Variants in STXBP6 observed in about 807,000 individuals in gnomAD.
The protein encoded by STXBP6 is syntaxin binding protein 6, also known as syntaxin-binding protein 6.
Under a neutral mutation model 26.9 loss-of-function variants are expected in STXBP6, and 21 were observed. That is an observed-to-expected ratio of 0.78 (90% CI 0.55 to 1.12). The LOEUF (loss-of-function observed/expected upper bound fraction) is 1.12. Among genes scored for constraint, STXBP6 ranks in the 50% most tolerant of loss-of-function variants. The pLI is 0.00. For missense variants in STXBP6, 232 were observed against 257.9 expected, an observed-to-expected ratio of 0.90 and a Z score of 0.69; for synonymous variants, 97 against 92.6, an observed-to-expected ratio of 1.05 and a Z score of -0.27.
intron 1 of STXBP6, among the ~76,000 whole-genome samples, chr14:24,989,986 T>C (rs17109444): frequency 0.011 from 1,643 of 152,298 alleles, 22 homozygotes; most frequent in African/African-American, 0.036. Context: ...ACAGAGATCA[T>C]TGAGAATTGT....
intron 1 of STXBP6, among the ~76,000 whole-genome samples, chr14:25,026,376 G>A (rs754872335): frequency 2.6e-4 from 39 of 152,078 alleles, no homozygotes; most frequent in Non-Finnish European, 5.0e-4. Context: ...ATCCCCTAAA[G>A]CCAGGTGTGC....
chr14:24,898,591 C>T (rs573127259), intron 2 of STXBP6, among the ~76,000 whole-genome samples: 11 of 152,166 alleles, frequency 7.2e-5, no homozygotes, highest in South Asian at 2.1e-4. Context: ...GCAGGAGAAT[C>T]GCTTGAATCC....
chr14:24,911,264 G>A (rs960829834), intron 2 of STXBP6, among the ~76,000 whole-genome samples: 4 of 151,978 alleles, frequency 2.6e-5, no homozygotes, highest in Non-Finnish European at 4.4e-5. Context: ...TTGAGCCCGG[G>A]AGGTCAAGGC....
intron 1 of STXBP6, among the ~76,000 whole-genome samples, chr14:24,998,753 T>G (rs1354165345): frequency 6.6e-6 from 1 of 152,198 alleles, no homozygotes; most frequent in Non-Finnish European, 1.5e-5. Flanking sequence ...GAAGTTGCCT[T>G]TTTTGTGTTT....
At chr14:24,933,740 GC>G (rs2072503701) in intron 2 of STXBP6, among the ~76,000 whole-genome samples, 1 of 151,858 alleles carries the variant, frequency 6.6e-6, no homozygotes, top group Admixed American at 6.6e-5. Context: ...TAGAACACAC[GC>G]TCCTATAAAA....
At chr14:24,878,941 C>T (rs1045963331) in intron 2 of STXBP6, 5 of 255,546 alleles carry the variant, frequency 2.0e-5, no homozygotes, top group African/African-American at 1.1e-4. Context: ...CTAAAGTTCT[C>T]ATTATACAGT....
At chr14:24,858,999 T>G (rs2069439210) in intron 2 of STXBP6, among the ~76,000 whole-genome samples, 1 of 152,158 alleles carries the variant, frequency 6.6e-6, no homozygotes, top group Non-Finnish European at 1.5e-5. Context: ...GAGCTCCTAT[T>G]TTCACTTCTG....
intron 2 of STXBP6, among the ~76,000 whole-genome samples, chr14:24,911,355 G>A (rs543898449): frequency 7.0e-6 from 1 of 143,756 alleles, no homozygotes; most frequent in East Asian, 2.0e-4. Flanking sequence ...AACGAAGGAA[G>A]GGAAAGAAGG....
At chr14:24,873,306 T>C (rs898919449) in intron 2 of STXBP6, among the ~76,000 whole-genome samples, 2 of 151,580 alleles carry the variant, frequency 1.3e-5, no homozygotes, top group African/African-American at 2.4e-5. Flanking sequence ...AAAAAAAAAA[T>C]TCAAGCAAGA....
intron 2 of STXBP6, among the ~76,000 whole-genome samples, chr14:24,941,680 A>G (rs539330750): frequency 2.0e-4 from 31 of 152,342 alleles, no homozygotes; most frequent in South Asian, 6.2e-4. Context: ...CCACTAGCCC[A>G]TGGGTATCTA....
intron 2 of STXBP6, among the ~76,000 whole-genome samples, chr14:24,898,444 C>A (rs975409676): frequency 3.3e-5 from 5 of 152,078 alleles, no homozygotes; most frequent in Non-Finnish European, 5.9e-5. Context: ...TTTGGGAGGC[C>A]AAGGCGGGTG....
At chr14:24,833,495 T>G (rs2068519633) in intron 4 of STXBP6, among the ~76,000 whole-genome samples, 1 of 152,218 alleles carries the variant, frequency 6.6e-6, no homozygotes, top group South Asian at 2.1e-4. Context: ...TACAAATTAG[T>G]AAGTGTACAA....
At chr14:24,971,053 G>C (rs2073892309) in intron 2 of STXBP6, among the ~76,000 whole-genome samples, 1 of 152,166 alleles carries the variant, frequency 6.6e-6, no homozygotes, top group Non-Finnish European at 1.5e-5. Flanking sequence ...ATGAACTGGA[G>C]AGATTATTTT....
At chr14:24,894,139 A>G (rs1178177513) in intron 2 of STXBP6, among the ~76,000 whole-genome samples, 1 of 152,212 alleles carries the variant, frequency 6.6e-6, no homozygotes, top group Non-Finnish European at 1.5e-5. Context: ...TTTAGAAATA[A>G]AAAAGTTTTT....
chr14:25,043,987 T>C (rs2075684023), intron 1 of STXBP6, among the ~76,000 whole-genome samples: 1 of 150,288 alleles, frequency 6.7e-6, no homozygotes, highest in Non-Finnish European at 1.5e-5. Context: ...CTGGGCAACA[T>C]GGTAAAACTC....
At chr14:24,876,416 A>G (rs1210774634) in intron 2 of STXBP6, among the ~76,000 whole-genome samples, 1 of 152,198 alleles carries the variant, frequency 6.6e-6, no homozygotes, top group Non-Finnish European at 1.5e-5. Flanking sequence ...GCCTCAACAC[A>G]AAGGCACTAT....
intron 1 of STXBP6, among the ~76,000 whole-genome samples, chr14:25,047,801 A>G (rs2075749192): frequency 6.6e-6 from 1 of 152,190 alleles, no homozygotes; most frequent in African/African-American, 2.4e-5. Context: ...TCATAGACTG[A>G]TTTCACAGAT....
chr14:24,879,420 GTATCAAGATAT>G (rs1170813408), intron 2 of STXBP6, among the ~76,000 whole-genome samples: 2 of 152,190 alleles, frequency 1.3e-5, no homozygotes, highest in Non-Finnish European at 2.9e-5. Context: ...TAAACACTTA[GTATCAAGATAT>G]TATTGATCGA....
chr14:24,836,299 T>A (rs2068609152), intron 4 of STXBP6, among the ~76,000 whole-genome samples: 3 of 152,062 alleles, frequency 2.0e-5, no homozygotes, highest in Admixed American at 2.0e-4. Flanking sequence ...AATTTACAAC[T>A]CAGAAGTGAA....
Sources: gnomAD v4.1 joint callset for allele counts (sites outside exome capture counted in the v4.1 genomes callset) on GRCh38, gnomAD v4.1.1 for gene constraint, MANE v1.5 for transcripts, NCBI Gene and HGNC (gene_info 2026-07-23, HGNC 2026-07-21) for gene names.